The following ARHGAP24 variants were observed in gnomAD, a reference collection of about 807,000 sequenced individuals.
The protein encoded by ARHGAP24 is rho GTPase-activating protein 24.
In ARHGAP24, 50 loss-of-function variants were observed where a neutral mutation model predicts 76.4. The ratio of observed to expected loss-of-function variants is 0.65; its 90% CI spans 0.52 to 0.83. ARHGAP24 has a LOEUF of 0.83. ARHGAP24 is among the 40% of genes least tolerant of loss of function. The pLI, the probability that ARHGAP24 is intolerant of heterozygous loss-of-function variation, is 0.00. For synonymous variants in ARHGAP24, 345 were observed against 323.3 expected (o/e 1.07, Z -0.72); for missense variants, 930 against 914.2 (o/e 1.02, Z -0.22).
intron 2 of ARHGAP24, among the ~76,000 whole-genome samples, chr4:85,608,784 T>C (rs1720291019): frequency 6.6e-6 from 1 of 152,168 alleles, no homozygotes. Flanking sequence ...GGTCTCGAAC[T>C]CCTGACCTCA....
chr4:85,836,070 C>G (rs1730271081), intron 3 of ARHGAP24, among the ~76,000 whole-genome samples: 1 of 151,664 alleles, frequency 6.6e-6, no homozygotes, highest in Non-Finnish European at 1.5e-5. Flanking sequence ...TTGACACCTG[C>G]AGTGACAGTA....
chr4:85,601,961 A>C (rs935889119), intron 2 of ARHGAP24, among the ~76,000 whole-genome samples: 6 of 152,170 alleles, frequency 3.9e-5, no homozygotes, highest in Admixed American at 1.3e-4. Flanking sequence ...AAACTGGTTC[A>C]ACTGCAGTCA....
chr4:85,681,964 G>A (rs1466165590), intron 2 of ARHGAP24, among the ~76,000 whole-genome samples: 1 of 152,204 alleles, frequency 6.6e-6, no homozygotes, highest in Admixed American at 6.5e-5. Flanking sequence ...GAATGTAGGT[G>A]CTACTATTAT....
intron 3 of ARHGAP24, among the ~76,000 whole-genome samples, chr4:85,842,240 C>T (rs1289892638): frequency 6.6e-6 from 1 of 152,176 alleles, no homozygotes; most frequent in Admixed American, 6.5e-5. Context: ...CCTTTGTTCA[C>T]TTTACATGCA....
At chr4:85,648,484 G>A (rs914792921) in intron 2 of ARHGAP24, among the ~76,000 whole-genome samples, 27 of 151,938 alleles carry the variant, frequency 1.8e-4, no homozygotes, top group Admixed American at 4.6e-4. Context: ...AGATGACAGG[G>A]ATATTTACAT....
intron 3 of ARHGAP24, among the ~76,000 whole-genome samples, chr4:85,777,672 GA>G (rs1161062737): frequency 1.3e-5 from 2 of 152,076 alleles, no homozygotes; most frequent in Non-Finnish European, 2.9e-5. Flanking sequence ...GATTTTATTT[GA>G]AAATTCCCTA....
At chr4:85,521,226 A>C (rs75558237) in intron 1 of ARHGAP24, among the ~76,000 whole-genome samples, 3 of 152,086 alleles carry the variant, frequency 2.0e-5, no homozygotes, top group African/African-American at 7.2e-5. Context: ...GATAAGCAGC[A>C]ATGCTATTAT....
At chr4:85,711,740 G>C (rs973150658) in intron 2 of ARHGAP24, among the ~76,000 whole-genome samples, 2 of 152,042 alleles carry the variant, frequency 1.3e-5, no homozygotes, top group African/African-American at 4.8e-5. Flanking sequence ...AGGTTATTTT[G>C]GTACACCAGA....
At chr4:85,974,287 A>G (rs543222823) in intron 6 of ARHGAP24, among the ~76,000 whole-genome samples, 22 of 152,288 alleles carry the variant, frequency 1.4e-4, no homozygotes, top group African/African-American at 4.8e-4. Flanking sequence ...AACGCCTCAA[A>G]TATTTACTAT....
At chr4:85,619,641 G>A (rs1317665979) in intron 2 of ARHGAP24, among the ~76,000 whole-genome samples, 1 of 151,842 alleles carries the variant, frequency 6.6e-6, no homozygotes, top group African/African-American at 2.4e-5. Flanking sequence ...TTTCATCAGT[G>A]TTTTACAGTT....
At chr4:85,777,647 C>T (rs1405691224) in intron 3 of ARHGAP24, among the ~76,000 whole-genome samples, 1 of 152,100 alleles carries the variant, frequency 6.6e-6, no homozygotes, top group Non-Finnish European at 1.5e-5. Flanking sequence ...ACCTTACTTC[C>T]CATGCAAACC....
chr4:85,994,926 A>G lies in ARHGAP24; in HGVS notation c.1272A>G (p.Pro424=), dbSNP rs1181564772. 2 of 1,614,118 alleles carry G rather than the reference A, an allele frequency of 1.2e-6. No individual in the cohort carries two copies. The highest frequency in any genetic ancestry group is 1.7e-6 in the Non-Finnish European group (2 of 1,180,028). The change falls in exon 9 of 10, where the codon CCA becomes CCG. Residue 424 remains proline (P), a synonymous_variant. Transcript: ENST00000395184. The part of the protein sequence containing the change: ...RSPPLMVKKN[P]AFNKGSGIVT... ...CCCCTCTCATGGTCAAAAAGAACCC[A>G]GCCTTTAATAAGGGTAGTGGGATAG...
At chr4:85,693,047 T>G (rs1056592853) in intron 2 of ARHGAP24, among the ~76,000 whole-genome samples, 1 of 152,322 alleles carries the variant, frequency 6.6e-6, no homozygotes, top group Non-Finnish European at 1.5e-5. Flanking sequence ...GCCCATTGTT[T>G]CACAGGGGAG....
chr4:85,596,934 TA>T (rs1013155781), intron 2 of ARHGAP24, among the ~76,000 whole-genome samples: 4 of 152,032 alleles, frequency 2.6e-5, no homozygotes, highest in Non-Finnish European at 5.9e-5. Flanking sequence ...AATATATTTT[TA>T]AAAAAAATTA....
chr4:85,755,753 G>A (rs977932291), intron 3 of ARHGAP24, among the ~76,000 whole-genome samples: 15 of 150,498 alleles, frequency 1.0e-4, no homozygotes, highest in African/African-American at 3.2e-4. Context: ...CTGCCTCAGC[G>A]TCCTGAGTAG....
At chr4:85,523,760 A>C (rs1281022560) in intron 1 of ARHGAP24, among the ~76,000 whole-genome samples, 1 of 152,176 alleles carries the variant, frequency 6.6e-6, no homozygotes, top group Non-Finnish European at 1.5e-5. Context: ...CTTACAAATA[A>C]ATGCCTTATA....
chr4:85,683,590 A>G (rs955183912), intron 2 of ARHGAP24, among the ~76,000 whole-genome samples: 1 of 152,226 alleles, frequency 6.6e-6, no homozygotes, highest in African/African-American at 2.4e-5. Flanking sequence ...ATTTTAAAAC[A>G]TATTAGATTT....
At chr4:85,801,500 T>C (rs1473972978) in intron 3 of ARHGAP24, among the ~76,000 whole-genome samples, 1 of 152,236 alleles carries the variant, frequency 6.6e-6, no homozygotes, top group Non-Finnish European at 1.5e-5. Flanking sequence ...GAATTTTCTT[T>C]CCAAGTAAAA....
At chr4:85,939,797 A>G (rs1316853964) in intron 4 of ARHGAP24, among the ~76,000 whole-genome samples, 1 of 152,164 alleles carries the variant, frequency 6.6e-6, no homozygotes, top group East Asian at 1.9e-4. Context: ...TCATGTTTGT[A>G]GCACACATGG....
Sources: gnomAD v4.1 joint callset for allele counts (sites outside exome capture counted in the v4.1 genomes callset) on GRCh38, gnomAD v4.1.1 for gene constraint, MANE v1.5 for transcripts, NCBI Gene and HGNC (gene_info 2026-07-23, HGNC 2026-07-21) for gene names.